The following PARM1 variants were observed in gnomAD, a reference collection of about 807,000 sequenced individuals.
PARM1 encodes WSC4, cell wall integrity and stress response component 4 homolog.
A neutral mutation model predicts 24.6 loss-of-function variants in PARM1; 14 were observed. The ratio of observed to expected loss-of-function variants is 0.57; its 90% CI spans 0.38 to 0.89. The LOEUF (loss-of-function observed/expected upper bound fraction) is 0.89, where lower values mean the gene tolerates loss of function less well. PARM1 is among the 40% of genes least tolerant of loss of function. The pLI, the probability that PARM1 is intolerant of heterozygous loss-of-function variation, is 0.00. For synonymous variants in PARM1, 179 were observed against 156.6 expected, an observed-to-expected ratio of 1.14 and a Z score of -1.07; for missense variants, 362 against 380.4, an observed-to-expected ratio of 0.95 and a Z score of 0.40.
intron 1 of PARM1, among the ~76,000 whole-genome samples, chr4:75,002,054 A>G (rs562948186): frequency 3.9e-4 from 59 of 152,346 alleles, no homozygotes; most frequent in African/African-American, 1.4e-3. Context: ...GTCCTTTCAA[A>G]GGCAAAGTGC....
chr4:74,999,241 T>C (rs532432092), intron 1 of PARM1: 4 of 152,352 alleles, frequency 2.6e-5, no homozygotes, highest in African/African-American at 9.6e-5. Context: ...AAGCTGCTAT[T>C]TAGAAGACAG....
intron 1 of PARM1, among the ~76,000 whole-genome samples, chr4:74,942,310 A>G (rs566551830): frequency 2.6e-5 from 4 of 152,374 alleles, no homozygotes; most frequent in South Asian, 4.1e-4. Context: ...GAGAATCTAC[A>G]TGTGCTAAAC....
intron 1 of PARM1, among the ~76,000 whole-genome samples, chr4:74,936,337 C>T (rs1285581556): frequency 6.6e-6 from 1 of 152,166 alleles, no homozygotes; most frequent in Non-Finnish European, 1.5e-5. Context: ...AAGAAGGGAA[C>T]GAGAATGGCA....
chr4:75,019,401 G>A (rs1270354259), intron 2 of PARM1, among the ~76,000 whole-genome samples: 1 of 152,194 alleles, frequency 6.6e-6, no homozygotes, highest in Non-Finnish European at 1.5e-5. Context: ...TCTTTTGTCT[G>A]TAAAATCCAC....
intron 1 of PARM1, among the ~76,000 whole-genome samples, chr4:74,963,060 A>G (rs1403971485): frequency 1.3e-5 from 2 of 151,860 alleles, no homozygotes; most frequent in African/African-American, 4.8e-5. Flanking sequence ...GCTAGCACTC[A>G]CTCCATCCTG....
intron 3 of PARM1, among the ~76,000 whole-genome samples, chr4:75,037,850 C>T (rs964947974): frequency 3.9e-5 from 6 of 152,150 alleles, no homozygotes; most frequent in Admixed American, 1.3e-4. Context: ...GTTTTAAAGA[C>T]GAAATGAAGT....
chr4:74,944,746 G>T (rs1193601714), intron 1 of PARM1, among the ~76,000 whole-genome samples: 1 of 152,096 alleles, frequency 6.6e-6, no homozygotes, highest in African/African-American at 2.4e-5. Context: ...AGGGGTAACA[G>T]AAAAGAAGAA....
chr4:74,983,253 T>C (rs1560783147), intron 1 of PARM1, among the ~76,000 whole-genome samples: 1 of 152,212 alleles, frequency 6.6e-6, no homozygotes. Flanking sequence ...GGTCTGGGAA[T>C]AGGTTTTTCA....
At chr4:74,954,445 G>A (rs982185613) in intron 1 of PARM1, among the ~76,000 whole-genome samples, 1 of 152,184 alleles carries the variant, frequency 6.6e-6, no homozygotes, top group African/African-American at 2.4e-5. Context: ...TCTTTGCTGA[G>A]GACTTACTGC....
At chr4:75,021,586 G>GTTT (rs112520326) in intron 2 of PARM1, among the ~76,000 whole-genome samples, 3 of 151,534 alleles carry the variant, frequency 2.0e-5, no homozygotes, top group African/African-American at 7.3e-5. Flanking sequence ...GCTATAGTTA[G>GTTT]TTTTTTTTTA....
intron 1 of PARM1, chr4:74,956,463 A>G (rs1721636705): frequency 6.6e-6 from 1 of 152,226 alleles, no homozygotes; most frequent in Non-Finnish European, 1.5e-5. Context: ...CTGAAAGTTC[A>G]GAATCTTTCT....
intron 1 of PARM1, among the ~76,000 whole-genome samples, chr4:74,981,715 A>G (rs1302302726): frequency 1.3e-5 from 2 of 152,132 alleles, no homozygotes; most frequent in African/African-American, 4.8e-5. Context: ...TCTCTACTAA[A>G]ACTACAAAAA....
intron 1 of PARM1, among the ~76,000 whole-genome samples, chr4:74,968,703 A>AT (rs1044707850): frequency 2.6e-5 from 4 of 152,228 alleles, no homozygotes; most frequent in African/African-American, 9.6e-5. Context: ...CATTCATTGC[A>AT]TTTTTTATTC....
intron 1 of PARM1, among the ~76,000 whole-genome samples, chr4:74,985,785 T>C (rs182036739): frequency 6.6e-6 from 1 of 152,326 alleles, no homozygotes; most frequent in East Asian, 1.9e-4. Context: ...TGTTTTGTTT[T>C]TGAGATGGAG....
In PARM1 at chr4:75,049,710, TG is replaced by T. The variant is rs1269836142; in HGVS notation, c.*3467del. The T allele has an allele frequency of 6.6e-6, 1 of 152,632 alleles. No individual in the cohort carries two copies. Among genetic ancestry groups the T allele is most frequent in the Non-Finnish European group, 1.5e-5 (1 of 68,038 alleles). 9.5% of individuals were successfully genotyped at this position (152,632 alleles called of 1,614,324 possible). On this transcript the variant is annotated 3_prime_UTR_variant, in exon 4 of 4. Transcript: ENST00000307428. ...CATCTGAGGTCTTCTGGATTCTTTG[TG>T]GGGTTAATTTTGATTTGATGTCATC...
intron 2 of PARM1, among the ~76,000 whole-genome samples, chr4:75,023,991 GCC>G (rs1723134294): frequency 6.6e-6 from 1 of 152,160 alleles, no homozygotes; most frequent in Admixed American, 6.5e-5. Context: ...CAAGTTCCTG[GCC>G]AGGTGCGGTG....
chr4:74,946,398 A>T (rs1721414365), intron 1 of PARM1, among the ~76,000 whole-genome samples: 1 of 152,060 alleles, frequency 6.6e-6, no homozygotes. Context: ...GTAACTCCTA[A>T]ATGGTCACCC....
At chr4:75,018,726 C>G (rs770694598) in intron 2 of PARM1, among the ~76,000 whole-genome samples, 1 of 152,240 alleles carries the variant, frequency 6.6e-6, no homozygotes, top group Non-Finnish European at 1.5e-5. Flanking sequence ...TAGCCCTCAT[C>G]TGATCCTCAG....
chr4:74,948,306 G>A lies in PARM1; in HGVS notation c.43+14936G>A, dbSNP rs1721445927. ...CTCCAAGGTCTCACAGCTAGTTAGT[G>A]AAAGAACTTAACTAAAAATCTCATG... On this transcript the variant is annotated intron_variant, in intron 1 of 3. Coordinates refer to ENST00000307428, the MANE Select transcript of PARM1 (RefSeq NM_015393.4). Among the ~76,000 whole-genome samples, 11 of 152,188 alleles carry A rather than the reference G, an allele frequency of 7.2e-5. No homozygotes were observed. The South Asian group carries it at 2.3e-3, about 31-fold the overall frequency.
Sources: gnomAD v4.1 joint callset for allele counts (sites outside exome capture counted in the v4.1 genomes callset) on GRCh38, gnomAD v4.1.1 for gene constraint, MANE v1.5 for transcripts, NCBI Gene and HGNC (gene_info 2026-07-23, HGNC 2026-07-21) for gene names.